KLHL29: variants seen among roughly 807,000 people sequenced by gnomAD.
KLHL29 encodes kelch-like protein 29.
A neutral mutation model predicts 80.4 loss-of-function variants in KLHL29; 21 were observed. The ratio of observed to expected loss-of-function variants is 0.26; its 90% CI spans 0.19 to 0.38. KLHL29 has a LOEUF of 0.38. KLHL29 is among the 10% of genes least tolerant of loss of function. The probability of loss-of-function intolerance (pLI) is 1.00; values close to 1 mark genes in which losing one functional copy is unlikely to be tolerated. For synonymous variants in KLHL29, 511 were observed against 526.8 expected, an observed-to-expected ratio of 0.97 and a Z score of 0.41; for missense variants, 867 against 1,223.9, an observed-to-expected ratio of 0.71 and a Z score of 4.35.
chr2:23,593,626 C>T (rs1668322708), intron 3 of KLHL29, among the ~76,000 whole-genome samples: 1 of 152,178 alleles, frequency 6.6e-6, no homozygotes, highest in African/African-American at 2.4e-5. Context: ...GACGTCAGAC[C>T]CCTCGGGGAA....
intron 2 of KLHL29, among the ~76,000 whole-genome samples, chr2:23,487,950 T>C (rs1187655875): frequency 6.6e-6 from 1 of 152,144 alleles, no homozygotes; most frequent in African/African-American, 2.4e-5. Context: ...CATTCCTCAA[T>C]AACCACAGTA....
At chr2:23,693,172 T>G in intron 7 of KLHL29, 97 bp from the exon 8 acceptor site, 12 of 1,373,680 alleles carry the variant, frequency 8.7e-6, no homozygotes, top group Non-Finnish European at 1.1e-5. Flanking sequence ...TCCCCCGGGA[T>G]GTGGGTTCAG....
At chr2:23,505,387 T>G (rs1665568912) in intron 2 of KLHL29, among the ~76,000 whole-genome samples, 1 of 152,216 alleles carries the variant, frequency 6.6e-6, no homozygotes, top group South Asian at 2.1e-4. Flanking sequence ...ATGGACACTT[T>G]GCTCAGAGGC....
At chr2:23,422,185 T>A (rs1488767192) in intron 1 of KLHL29, among the ~76,000 whole-genome samples, 1 of 151,642 alleles carries the variant, frequency 6.6e-6, no homozygotes, top group East Asian at 1.9e-4. Flanking sequence ...TGTATCTATG[T>A]GTCTCTGTGT....
chr2:23,630,459 A>G (rs571938339), intron 3 of KLHL29, among the ~76,000 whole-genome samples: 1 of 152,238 alleles, frequency 6.6e-6, no homozygotes, highest in Non-Finnish European at 1.5e-5. Context: ...TTAGAGTCCC[A>G]GGCTTGCCAT....
At chr2:23,508,742 T>A (rs1167628221) in intron 2 of KLHL29, among the ~76,000 whole-genome samples, 1 of 152,248 alleles carries the variant, frequency 6.6e-6, no homozygotes, top group Non-Finnish European at 1.5e-5. Context: ...GACCCCACAC[T>A]GGGTTCCCAC....
At chr2:23,706,236 C>A (rs370618851) in intron 13 of KLHL29, among the ~76,000 whole-genome samples, 3 of 152,178 alleles carry the variant, frequency 2.0e-5, no homozygotes, top group Non-Finnish European at 4.4e-5. Flanking sequence ...GTCACTCTGG[C>A]GGGGCAGGGA....
At chr2:23,505,310 T>C (rs1665566345) in intron 2 of KLHL29, among the ~76,000 whole-genome samples, 1 of 152,104 alleles carries the variant, frequency 6.6e-6, no homozygotes, top group Admixed American at 6.5e-5. Context: ...AGCAGCTGCC[T>C]CCCCGACCTC....
intron 5 of KLHL29, among the ~76,000 whole-genome samples, chr2:23,658,361 G>A (rs1438769461): frequency 1.3e-5 from 2 of 152,156 alleles, no homozygotes; most frequent in Non-Finnish European, 2.9e-5. Context: ...CTAAGTCTGG[G>A]GCTGACAGGG....
chr2:23,387,938 G>A (rs1335753251), intron 1 of KLHL29, among the ~76,000 whole-genome samples: 4 of 152,118 alleles, frequency 2.6e-5, no homozygotes, highest in Non-Finnish European at 4.4e-5. Flanking sequence ...ATATTTGCCT[G>A]TGATTAAGAA....
At chr2:23,397,506 C>T (rs1431666222) in intron 1 of KLHL29, among the ~76,000 whole-genome samples, 3 of 152,234 alleles carry the variant, frequency 2.0e-5, no homozygotes, top group Non-Finnish European at 4.4e-5. Flanking sequence ...GGTATACCTT[C>T]CCGAATGCCT....
At chr2:23,576,541 T>C (rs1667848407) in intron 3 of KLHL29, among the ~76,000 whole-genome samples, 1 of 152,188 alleles carries the variant, frequency 6.6e-6, no homozygotes, top group African/African-American at 2.4e-5. Flanking sequence ...ATCGGGTTCC[T>C]TGTAAATAAT....
At chr2:23,666,554 T>G (rs541311514) in intron 5 of KLHL29, among the ~76,000 whole-genome samples, 1 of 152,214 alleles carries the variant, frequency 6.6e-6, no homozygotes, top group African/African-American at 2.4e-5. Context: ...CTTGAAGTTA[T>G]GGAGACCATG....
At chr2:23,404,791 C>T (rs1666685986) in intron 1 of KLHL29, among the ~76,000 whole-genome samples, 1 of 152,196 alleles carries the variant, frequency 6.6e-6, no homozygotes, top group Admixed American at 6.5e-5. Flanking sequence ...ATGTCTTATT[C>T]CCAGAATGAC....
At chr2:23,550,913 AGGG>A (rs1667107361) in intron 2 of KLHL29, among the ~76,000 whole-genome samples, 1 of 152,206 alleles carries the variant, frequency 6.6e-6, no homozygotes, top group Non-Finnish European at 1.5e-5. Context: ...CGGCCCTGGG[AGGG>A]GGTAAGCCTG....
intron 3 of KLHL29, among the ~76,000 whole-genome samples, chr2:23,563,431 C>A (rs1667503052): frequency 6.6e-6 from 1 of 152,232 alleles, no homozygotes; most frequent in African/African-American, 2.4e-5. Context: ...TTCGGAGCTG[C>A]CTCCCAGGAG....
At chr2:23,412,526 T>C (rs1666889745) in intron 1 of KLHL29, among the ~76,000 whole-genome samples, 1 of 152,086 alleles carries the variant, frequency 6.6e-6, no homozygotes, top group Admixed American at 6.6e-5. Flanking sequence ...GGACTGAATG[T>C]TCTCCAAGGC....
intron 1 of KLHL29, among the ~76,000 whole-genome samples, chr2:23,438,025 C>T (rs1663396635): frequency 6.6e-6 from 1 of 151,918 alleles, no homozygotes; most frequent in Non-Finnish European, 1.5e-5. Context: ...AGGTCCTTCA[C>T]ATCCCTTGTA....
At chr2:23,520,088 G>A (rs1666047301) in intron 2 of KLHL29, among the ~76,000 whole-genome samples, 1 of 152,196 alleles carries the variant, frequency 6.6e-6, no homozygotes, top group Non-Finnish European at 1.5e-5. Flanking sequence ...ACCCAGGAGA[G>A]AAGCCAGGTC....
Sources: gnomAD v4.1 joint callset for allele counts (sites outside exome capture counted in the v4.1 genomes callset) on GRCh38, gnomAD v4.1.1 for gene constraint, MANE v1.5 for transcripts, NCBI Gene and HGNC (gene_info 2026-07-23, HGNC 2026-07-21) for gene names.